Variants in DPYD observed in about 807,000 individuals in gnomAD.
The protein encoded by DPYD is dihydropyrimidine dehydrogenase, also known as dihydropyrimidine dehydrogenase [NADP(+)].
A neutral mutation model predicts 116.2 loss-of-function variants in DPYD; 109 were observed. That is an observed-to-expected ratio of 0.94 (90% CI 0.80 to 1.10). DPYD has a LOEUF of 1.10. Ranked by LOEUF, DPYD falls within the 50% of genes least tolerant of loss-of-function variation. DPYD has a pLI of 0.00. For synonymous variants in DPYD, 440 were observed against 432.0 expected, an observed-to-expected ratio of 1.02 and a Z score of -0.23; for missense variants, 1,302 against 1,254.5, an observed-to-expected ratio of 1.04 and a Z score of -0.57.
In DPYD at chr1:97,567,608, C is replaced by A. The variant is rs532655860; in HGVS notation, c.1339+6152G>T. Among the ~76,000 whole-genome samples the A allele has an allele frequency of 4.6e-5, 7 of 152,240 alleles. 1 individual carries two copies. Among genetic ancestry groups the A allele is most frequent in the African/African-American group, 1.7e-4 (7 of 41,558 alleles). Reference sequence around the variant, plus strand: ...TGTGGTGCAACATGATGCTGAGTCCCTCACCATTCATCCTAACATCTTCCT... The same window carrying A: ...TGTGGTGCAACATGATGCTGAGTCCATCACCATTCATCCTAACATCTTCCT... On this transcript the variant is annotated intron_variant, in intron 11 of 22. Coordinates refer to ENST00000370192, the MANE Select transcript of DPYD (RefSeq NM_000110.4).
At chr1:97,106,489 ATTCT>A (rs1052563113) in intron 20 of DPYD, among the ~76,000 whole-genome samples, 2 of 152,158 alleles carry the variant, frequency 1.3e-5, no homozygotes, top group African/African-American at 4.8e-5. Context: ...AAGGCAAATT[ATTCT>A]TTCTTCTGGA....
At chr1:97,174,815 T>G (rs773004324) in intron 20 of DPYD, among the ~76,000 whole-genome samples, 1 of 152,190 alleles carries the variant, frequency 6.6e-6, no homozygotes, top group African/African-American at 2.4e-5. Flanking sequence ...ACATTTTAAG[T>G]ATACAGTTAC....
At chr1:97,629,609 C>A (rs145165247) in intron 8 of DPYD, among the ~76,000 whole-genome samples, 3 of 151,984 alleles carry the variant, frequency 2.0e-5, no homozygotes, top group Non-Finnish European at 4.4e-5. Context: ...TCACTTCTTG[C>A]AGTTAACTCA....
intron 20 of DPYD, among the ~76,000 whole-genome samples, chr1:97,186,812 C>A (rs1177611905): frequency 6.6e-6 from 1 of 152,074 alleles, no homozygotes; most frequent in South Asian, 2.1e-4. Context: ...CGTGCCACTG[C>A]ACTCCAGCCT....
intron 14 of DPYD, among the ~76,000 whole-genome samples, chr1:97,409,670 A>G (rs1570687746): frequency 6.6e-6 from 1 of 152,074 alleles, no homozygotes; most frequent in Non-Finnish European, 1.5e-5. Flanking sequence ...CATGTTGCAT[A>G]CCCTCCCACT....
intron 4 of DPYD, among the ~76,000 whole-genome samples, chr1:97,738,171 G>T (rs770819994): frequency 6.6e-6 from 1 of 152,128 alleles, no homozygotes; most frequent in Non-Finnish European, 1.5e-5. Flanking sequence ...TTTATAGACT[G>T]ATCTCATGCA....
intron 16 of DPYD, among the ~76,000 whole-genome samples, chr1:97,310,592 G>GT (rs921779944): frequency 1.1e-4 from 16 of 151,890 alleles, no homozygotes; most frequent in African/African-American, 3.9e-4. Context: ...AAATGGAGAT[G>GT]TTTTTATTAA....
intron 5 of DPYD, among the ~76,000 whole-genome samples, chr1:97,714,224 T>C (rs1265595751): frequency 6.6e-6 from 1 of 152,056 alleles, no homozygotes; most frequent in Non-Finnish European, 1.5e-5. Context: ...TTTTATTTAT[T>C]TATTTTTTGA....
chr1:97,509,763 G>T (rs554358183), intron 13 of DPYD, among the ~76,000 whole-genome samples: 10 of 152,026 alleles, frequency 6.6e-5, no homozygotes, highest in Admixed American at 1.3e-4. Flanking sequence ...AAGACAGTTT[G>T]TTAAGACTTT....
At chr1:97,795,155 C>T (rs1667501978) in intron 3 of DPYD, among the ~76,000 whole-genome samples, 1 of 151,906 alleles carries the variant, frequency 6.6e-6, no homozygotes, top group Non-Finnish European at 1.5e-5. Flanking sequence ...TGTAAAGTTA[C>T]CAGTGTTGGG....
chr1:97,761,610 G>A (rs75007810), intron 3 of DPYD, among the ~76,000 whole-genome samples: 3,391 of 152,214 alleles, frequency 0.022, 137 homozygotes, highest in African/African-American at 0.078. Flanking sequence ...GTGGAAAGCA[G>A]TGTGGCAATT....
chr1:97,193,241 C>A lies in DPYD; in HGVS notation c.2450G>T (p.Ser817Ile). ...HSGASVLQVC[S>I]AIQNQDFTVI... ...AGTGAAATCCTGATTCTGAATGGCA[C>A]TGCATACCTAGAAAAGACAGAGCAG... is the stretch of plus-strand genomic sequence containing the variant. The change falls in exon 20 of 23, where the codon AGT becomes ATT. Residue 817 changes from serine to isoleucine, a missense_variant. Ser to Ile is a moderately radical substitution (Grantham distance 142). Transcript: ENST00000370192. 1 of 1,613,424 alleles carries A rather than the reference C, an allele frequency of 6.2e-7. No homozygotes were observed. Among genetic ancestry groups the A allele is most frequent in the Non-Finnish European group, 8.5e-7 (1 of 1,179,718 alleles).
chr1:97,112,095 T>A (rs1005807054), intron 20 of DPYD, among the ~76,000 whole-genome samples: 1 of 152,152 alleles, frequency 6.6e-6, no homozygotes, highest in East Asian at 1.9e-4. Context: ...TAGCAATGTC[T>A]CATAGCTTTT....
At chr1:97,646,884 T>G (rs1423231354) in intron 8 of DPYD, among the ~76,000 whole-genome samples, 1 of 152,076 alleles carries the variant, frequency 6.6e-6, no homozygotes, top group Non-Finnish European at 1.5e-5. Flanking sequence ...ACCTACTCTG[T>G]TTTTCTGAAC....
intron 4 of DPYD, among the ~76,000 whole-genome samples, chr1:97,724,304 GGGGGTGTGTGTGTGTGTGTGTGTGT>G (rs1354686906): frequency 1.4e-4 from 2 of 14,428 alleles, no homozygotes; most frequent in African/African-American, 5.7e-4. Flanking sequence ...GGGGGGGGGG[GGGGGTGTGTGTGTGTGTGTGTGTGT>G]GTGTGTGTGT....
intron 14 of DPYD, among the ~76,000 whole-genome samples, chr1:97,429,391 A>ATAG (rs1358003776): frequency 6.6e-6 from 1 of 152,086 alleles, no homozygotes; most frequent in Admixed American, 6.6e-5. Context: ...TACTTAAGAA[A>ATAG]TAACTTCAGC....
chr1:97,740,248 G>A (rs1202620750), intron 4 of DPYD, 144 bp downstream of exon 4: 1 of 559,026 alleles, frequency 1.8e-6, no homozygotes, highest in Non-Finnish European at 3.1e-6. Flanking sequence ...ATTAATAAAT[G>A]TGCCACATTT....
chr1:97,312,916 G>A (rs541346472), intron 16 of DPYD, among the ~76,000 whole-genome samples: 51 of 151,664 alleles, frequency 3.4e-4, no homozygotes, highest in African/African-American at 1.2e-3. Flanking sequence ...AATTCTAAAG[G>A]CACTCAAATA....
At chr1:97,644,357 T>C (rs1658121501) in intron 8 of DPYD, among the ~76,000 whole-genome samples, 2 of 152,172 alleles carry the variant, frequency 1.3e-5, no homozygotes, top group Admixed American at 1.3e-4. Context: ...TGGTTTCAGG[T>C]AACTATATGT....
Sources: allele counts gnomAD v4.1 joint callset (sites outside exome capture counted in the v4.1 genomes callset), GRCh38; gene constraint gnomAD v4.1.1; transcripts MANE v1.5; gene names NCBI Gene and HGNC (gene_info 2026-07-23, HGNC 2026-07-21).